The following OTOGL variants were observed in gnomAD, a reference collection of about 807,000 sequenced individuals.
OTOGL encodes the protein otogelin like, also known as otogelin-like protein.
Under a neutral mutation model 318.5 loss-of-function variants are expected in OTOGL, and 285 were observed. That is an observed-to-expected ratio of 0.89 (90% CI 0.81 to 0.99). OTOGL has a LOEUF of 0.99. OTOGL is among the 50% of genes least tolerant of loss of function. The pLI is 0.00. For synonymous variants in OTOGL, 987 were observed against 936.5 expected (o/e 1.05, Z -0.99); for missense variants, 2,899 against 2,845.6 (o/e 1.02, Z -0.43).
intron 1 of OTOGL, chr12:80,103,333 T>C (rs1869256304): frequency 6.5e-7 from 1 of 1,527,254 alleles, no homozygotes; most frequent in East Asian, 2.2e-5. Flanking sequence ...TTAAACTTCA[T>C]TTTGGCCGCT....
At chr12:80,282,015 T>C (rs1884268531) in intron 26 of OTOGL, among the ~76,000 whole-genome samples, 1 of 151,902 alleles carries the variant, frequency 6.6e-6, no homozygotes, top group African/African-American at 2.4e-5. Flanking sequence ...TTTGATGATA[T>C]GCTTTGGTAA....
chr12:80,175,119 T>C (rs912804175), intron 1 of OTOGL, among the ~76,000 whole-genome samples: 1 of 151,850 alleles, frequency 6.6e-6, no homozygotes, highest in African/African-American at 2.4e-5. Flanking sequence ...GACACAGAGA[T>C]GGTAAGTCTA....
At chr12:80,120,499 A>C (rs367720357) in intron 1 of OTOGL, among the ~76,000 whole-genome samples, 9 of 152,150 alleles carry the variant, frequency 5.9e-5, no homozygotes, top group African/African-American at 2.2e-4. Context: ...TTTTTCCACT[A>C]CTTCCAGTAT....
At chr12:80,159,551 A>G (rs1873360445) in intron 1 of OTOGL, among the ~76,000 whole-genome samples, 1 of 152,078 alleles carries the variant, frequency 6.6e-6, no homozygotes, top group Admixed American at 6.6e-5. Context: ...CAAGGAGGTG[A>G]AAGAACTCTA....
intron 46 of OTOGL, among the ~76,000 whole-genome samples, chr12:80,355,284 C>T (rs1159474914): frequency 7.9e-6 from 1 of 126,996 alleles, no homozygotes; most frequent in East Asian, 2.5e-4. Context: ...GGCTTGAGTA[C>T]AGTGGTCATA....
At chr12:80,118,864 G>GTTTTTTTT (rs57197692) in intron 1 of OTOGL, among the ~76,000 whole-genome samples, 1 of 130,592 alleles carries the variant, frequency 7.7e-6, no homozygotes, top group Non-Finnish European at 1.7e-5. Flanking sequence ...TCTTAGATCT[G>GTTTTTTTT]TTTTTTTTTT....
At chr12:80,340,291 A>G (rs1165824670) in intron 43 of OTOGL, among the ~76,000 whole-genome samples, 1 of 152,050 alleles carries the variant, frequency 6.6e-6, no homozygotes, top group Admixed American at 6.6e-5. Flanking sequence ...ATTTTTGGAA[A>G]TTTTTGCTAA....
intron 1 of OTOGL, among the ~76,000 whole-genome samples, chr12:80,113,048 G>A (rs1415170269): frequency 1.3e-5 from 2 of 152,174 alleles, no homozygotes; most frequent in South Asian, 2.1e-4. Flanking sequence ...GTGTAGAGGT[G>A]TCTATAGTAT....
chr12:80,302,564 A>G (rs1021110411), intron 27 of OTOGL, 70 bp from the exon 28 acceptor site: 1 of 1,030,572 alleles, frequency 9.7e-7, no homozygotes, highest in East Asian at 3.1e-5. Context: ...AATGTTAACT[A>G]AACTAATTTG....
chr12:80,295,533 T>C (rs1330472985), intron 26 of OTOGL, among the ~76,000 whole-genome samples: 1 of 152,214 alleles, frequency 6.6e-6, no homozygotes, highest in Non-Finnish European at 1.5e-5. Flanking sequence ...TGCTGACCCA[T>C]GTGTCTCAAA....
chr12:80,244,185 T>A (rs868801599), intron 11 of OTOGL, among the ~76,000 whole-genome samples: 11 of 151,394 alleles, frequency 7.3e-5, no homozygotes, highest in East Asian at 3.9e-4. Context: ...TTTTTTTTTT[T>A]ATACTTTAAG....
intron 1 of OTOGL, among the ~76,000 whole-genome samples, chr12:80,175,363 A>G (rs1413962474): frequency 6.6e-6 from 1 of 152,200 alleles, no homozygotes; most frequent in East Asian, 1.9e-4. Context: ...ACTCGAAATT[A>G]CATAATATAA....
At chr12:80,349,353 G>T (rs563334565) in intron 44 of OTOGL, among the ~76,000 whole-genome samples, 4 of 152,098 alleles carry the variant, frequency 2.6e-5, no homozygotes, top group Non-Finnish European at 4.4e-5. Context: ...TACTATTAAC[G>T]CTATTTCACA....
intron 1 of OTOGL, among the ~76,000 whole-genome samples, chr12:80,186,984 A>G (rs557037703): frequency 6.6e-6 from 1 of 152,268 alleles, no homozygotes; most frequent in South Asian, 2.1e-4. Context: ...ATCTAGCTTC[A>G]AAGATTGTTT....
intron 44 of OTOGL, among the ~76,000 whole-genome samples, chr12:80,343,099 C>T (rs369915390): frequency 6.6e-6 from 1 of 152,182 alleles, no homozygotes; most frequent in East Asian, 1.9e-4. Context: ...TGGTCTCGAT[C>T]TCCTGACCTC....
intron 2 of OTOGL, among the ~76,000 whole-genome samples, chr12:80,209,784 A>G (rs1310441364): frequency 6.6e-6 from 1 of 152,018 alleles, no homozygotes; most frequent in Non-Finnish European, 1.5e-5. Context: ...TCATTTCTTG[A>G]ATCTTTTTTA....
intron 1 of OTOGL, among the ~76,000 whole-genome samples, chr12:80,105,062 C>G (rs1365053890): frequency 1.3e-5 from 2 of 152,060 alleles, no homozygotes; most frequent in Non-Finnish European, 2.9e-5. Flanking sequence ...CACCATTGCA[C>G]TCTGCACTCC....
intron 1 of OTOGL, among the ~76,000 whole-genome samples, chr12:80,187,492 C>T (rs1875374349): frequency 6.6e-6 from 1 of 152,162 alleles, no homozygotes; most frequent in Non-Finnish European, 1.5e-5. Flanking sequence ...CAGAAAAAAG[C>T]TTCCGAGTGG....
At chr12:80,344,483 A>G (rs1889033998) in intron 44 of OTOGL, among the ~76,000 whole-genome samples, 1 of 152,158 alleles carries the variant, frequency 6.6e-6, no homozygotes, top group Admixed American at 6.5e-5. Flanking sequence ...TGGAGGCTGC[A>G]GTGAGCCGAG....
Sources: gnomAD v4.1 joint callset for allele counts (sites outside exome capture counted in the v4.1 genomes callset) on GRCh38, gnomAD v4.1.1 for gene constraint, MANE v1.5 for transcripts, NCBI Gene and HGNC (gene_info 2026-07-23, HGNC 2026-07-21) for gene names.